MARCHF1: variants seen among roughly 807,000 people sequenced by gnomAD.
MARCHF1 encodes the protein membrane associated ring-CH-type finger 1.
In MARCHF1, 40 loss-of-function variants were observed where a neutral mutation model predicts 54.2. The observed-to-expected ratio is 0.74, with a 90% confidence interval of 0.57 to 0.96. MARCHF1 has a LOEUF of 0.96. Ranked by LOEUF, MARCHF1 falls within the 40% of genes least tolerant of loss-of-function variation. MARCHF1 has a pLI of 0.00. For missense variants in MARCHF1, 586 were observed against 656.5 expected, an observed-to-expected ratio of 0.89 and a Z score of 1.17; for synonymous variants, 236 against 236.3, an observed-to-expected ratio of 1.00 and a Z score of 0.01.
intron 3 of MARCHF1, among the ~76,000 whole-genome samples, chr4:163,883,083 G>C (rs1485349186): frequency 6.6e-6 from 1 of 152,144 alleles, no homozygotes; most frequent in Non-Finnish European, 1.5e-5. Context: ...CATGGCACTT[G>C]TGTCTCATAC....
intron 3 of MARCHF1, among the ~76,000 whole-genome samples, chr4:163,952,465 G>A (rs1175197161): frequency 6.6e-6 from 1 of 152,130 alleles, no homozygotes; most frequent in East Asian, 1.9e-4. Context: ...TAAATGTTAA[G>A]CATGTTATAA....
intron 4 of MARCHF1, among the ~76,000 whole-genome samples, chr4:163,723,816 C>A (rs1048906659): frequency 6.6e-6 from 1 of 152,220 alleles, no homozygotes; most frequent in African/African-American, 2.4e-5. Context: ...TTGAACGAAT[C>A]GGCTACTGAA....
At chr4:163,928,007 C>G (rs763350337) in intron 3 of MARCHF1, among the ~76,000 whole-genome samples, 1 of 151,476 alleles carries the variant, frequency 6.6e-6, no homozygotes, top group African/African-American at 2.4e-5. Context: ...TTAATGATTG[C>G]CCACTTCTGA....
At position 164,134,649 on chromosome 4, in the gene MARCHF1, A is replaced by G. The variant is rs1465671937; in HGVS notation, c.-322-22987T>C. 3.9e-5 allele frequency among the ~76,000 whole-genome samples: 6 copies of G among 152,156 alleles called. No individual in the cohort carries two copies. The East Asian group carries it at 7.7e-4, about 20-fold the overall frequency. ...TATACTCTGGAAATAAACTTAAGAA[A>G]TAGACATGACTGATAACATTTGCTT... On this transcript the variant is annotated intron_variant, in intron 1 of 9. Coordinates refer to ENST00000514618, the MANE Select transcript of MARCHF1 (RefSeq NM_001394959.1).
chr4:163,969,248 T>G (rs1752502092), intron 3 of MARCHF1, among the ~76,000 whole-genome samples: 1 of 152,218 alleles, frequency 6.6e-6, no homozygotes, highest in African/African-American at 2.4e-5. Context: ...TATTTTGTGC[T>G]AAGCTCAATA....
In MARCHF1 at chr4:163,812,926, AAC is replaced by A. The variant is rs147517030; in HGVS notation, c.111+41093_111+41094del. Among the ~76,000 whole-genome samples, 467 of 152,352 alleles carry A rather than the reference AAC, an allele frequency of 3.1e-3. 3 individuals are homozygous for A. The highest frequency in any genetic ancestry group is 0.011 in the African/African-American group (444 of 41,584). On this transcript the variant is annotated intron_variant, in intron 4 of 9. Transcript: ENST00000514618. ...GGGGATAGGACAATGCTACCAGTGA[AAC>A]ACAGAACTCTTCACACTAAGTGGGA...
chr4:163,797,474 TC>T (rs1747950967), intron 4 of MARCHF1, among the ~76,000 whole-genome samples: 1 of 152,086 alleles, frequency 6.6e-6, no homozygotes, highest in South Asian at 2.1e-4. Flanking sequence ...TTGCCAGATT[TC>T]CTTTCTCTCT....
chr4:164,310,745 T>C (rs1734827902), intron 1 of MARCHF1, among the ~76,000 whole-genome samples: 1 of 152,028 alleles, frequency 6.6e-6, no homozygotes, highest in Non-Finnish European at 1.5e-5. Context: ...ATTTAAGTTA[T>C]TAAAAAACAA....
chr4:163,638,724 T>C (rs961095489), intron 5 of MARCHF1, among the ~76,000 whole-genome samples: 4 of 152,188 alleles, frequency 2.6e-5, no homozygotes, highest in Admixed American at 2.6e-4. Flanking sequence ...TCACATTCAT[T>C]GAAATGTCAT....
At chr4:164,039,859 A>G (rs1754086839) in intron 2 of MARCHF1, among the ~76,000 whole-genome samples, 1 of 151,674 alleles carries the variant, frequency 6.6e-6, no homozygotes, top group Non-Finnish European at 1.5e-5. Context: ...GAGTACTTAC[A>G]AACATCAGTT....
chr4:163,751,944 C>T (rs1316506409), intron 4 of MARCHF1, among the ~76,000 whole-genome samples: 4 of 151,928 alleles, frequency 2.6e-5, no homozygotes, highest in Non-Finnish European at 4.4e-5. Flanking sequence ...TACTGGATAG[C>T]GATAACTCTC....
chr4:163,586,343 T>A (rs977997555), intron 7 of MARCHF1, among the ~76,000 whole-genome samples: 2 of 152,156 alleles, frequency 1.3e-5, no homozygotes, highest in African/African-American at 4.8e-5. Context: ...GATATCTCGT[T>A]ATGTATGTGC....
At chr4:164,286,713 T>TATAAC (rs750604172) in intron 1 of MARCHF1, among the ~76,000 whole-genome samples, 5 of 148,632 alleles carry the variant, frequency 3.4e-5, no homozygotes, top group Non-Finnish European at 7.4e-5. Context: ...CTATTATATA[T>TATAAC]ATATTTTATA....
intron 4 of MARCHF1, among the ~76,000 whole-genome samples, chr4:163,763,726 G>A (rs1045292429): frequency 3.9e-5 from 6 of 152,086 alleles, no homozygotes; most frequent in Admixed American, 3.3e-4. Context: ...AATGAAGGCT[G>A]TGGTAGTAAG....
intron 2 of MARCHF1, among the ~76,000 whole-genome samples, chr4:164,024,948 A>G (rs1024764650): frequency 6.6e-6 from 1 of 151,890 alleles, no homozygotes; most frequent in African/African-American, 2.4e-5. Context: ...CTTATATCGG[A>G]TAGAATATAT....
chr4:163,729,124 T>C (rs1745753836), intron 4 of MARCHF1, among the ~76,000 whole-genome samples: 1 of 152,174 alleles, frequency 6.6e-6, no homozygotes, highest in Non-Finnish European at 1.5e-5. Flanking sequence ...TAAATCCCAC[T>C]GGTCAAGGCA....
chr4:164,220,667 C>CTATATATGCATATATGAAATATATATGA (rs559295765), intron 1 of MARCHF1, among the ~76,000 whole-genome samples: 1 of 134,322 alleles, frequency 7.4e-6, no homozygotes, highest in African/African-American at 2.9e-5. Flanking sequence ...AATATATATG[C>CTATATATGCATATATGAAATATATATGA]TATATGTATA....
chr4:163,977,485 G>A (rs951233806), intron 3 of MARCHF1, among the ~76,000 whole-genome samples: 1 of 151,986 alleles, frequency 6.6e-6, no homozygotes, highest in Non-Finnish European at 1.5e-5. Context: ...ATAATATTTT[G>A]TTATCCTAAT....
chr4:164,341,932 C>T (rs957541178), intron 1 of MARCHF1, among the ~76,000 whole-genome samples: 1 of 152,148 alleles, frequency 6.6e-6, no homozygotes, highest in Non-Finnish European at 1.5e-5. Flanking sequence ...ATTCTATACA[C>T]TAATGTCCCA....
Sources: gnomAD v4.1 joint callset for allele counts (sites outside exome capture counted in the v4.1 genomes callset) on GRCh38, gnomAD v4.1.1 for gene constraint, MANE v1.5 for transcripts, NCBI Gene and HGNC (gene_info 2026-07-23, HGNC 2026-07-21) for gene names.